The following ANKS1B variants were observed in gnomAD, a reference collection of about 807,000 sequenced individuals.
ANKS1B encodes ankyrin repeat and sterile alpha motif domain-containing protein 1B.
Under a neutral mutation model 148.3 loss-of-function variants are expected in ANKS1B, and 36 were observed. The observed-to-expected ratio is 0.24, with a 90% confidence interval of 0.19 to 0.32. The LOEUF (loss-of-function observed/expected upper bound fraction) is 0.32, where lower values mean the gene tolerates loss of function less well. Among genes scored for constraint, ANKS1B ranks in the 10% least tolerant of loss-of-function variants. The probability of loss-of-function intolerance (pLI) is 1.00; values close to 1 mark genes in which losing one functional copy is unlikely to be tolerated. For missense variants in ANKS1B, 1,157 were observed against 1,542.6 expected, an observed-to-expected ratio of 0.75 and a Z score of 4.19; for synonymous variants, 542 against 560.8, an observed-to-expected ratio of 0.97 and a Z score of 0.47.
At chr12:99,475,171 G>A (rs1293645551) in intron 10 of ANKS1B, among the ~76,000 whole-genome samples, 3 of 147,080 alleles carry the variant, frequency 2.0e-5, no homozygotes, top group Non-Finnish European at 4.5e-5. Context: ...TTGAACCCAG[G>A]AAACAGAGGT....
intron 14 of ANKS1B, chr12:99,154,969 C>T: frequency 1.3e-6 from 2 of 1,535,434 alleles, no homozygotes; most frequent in South Asian, 2.4e-5. Context: ...CTCCTACACA[C>T]CCATCCAAGC....
Position 99,238,909 on chromosome 12 carries a change from A to G in ANKS1B, c.2419+5433T>C, listed in dbSNP as rs145314515. On this transcript the variant is annotated intron_variant, in intron 14 of 26. Transcript: ENST00000683438. ...ACATCCACACCAAAACCCCATCTGTATAGGTCACCAACATCAAAGACCAAA... is the reference window on the plus strand; with the variant it reads ...ACATCCACACCAAAACCCCATCTGTGTAGGTCACCAACATCAAAGACCAAA... Among the ~76,000 whole-genome samples the G allele has an allele frequency of 4.2e-3, 643 of 152,336 alleles. 4 individuals carry two copies. Among genetic ancestry groups the G allele is most frequent in the African/African-American group, 0.014 (602 of 41,582 alleles).
intron 9 of ANKS1B, among the ~76,000 whole-genome samples, chr12:99,650,218 ATCCTACATTAGGAG>A (rs1294181249): frequency 9.7e-6 from 1 of 103,114 alleles, no homozygotes; most frequent in African/African-American, 3.2e-5. Flanking sequence ...CTCAGATATG[ATCCTACATTAGGAG>A]AATTATTCTA....
chr12:99,188,175 G>T (rs887229278), intron 14 of ANKS1B, among the ~76,000 whole-genome samples: 1 of 152,132 alleles, frequency 6.6e-6, no homozygotes, highest in African/African-American at 2.4e-5. Context: ...CTCAATAGAG[G>T]AGCACCCAGA....
At chr12:99,765,136 C>T (rs1423201753) in intron 8 of ANKS1B, among the ~76,000 whole-genome samples, 3 of 152,162 alleles carry the variant, frequency 2.0e-5, no homozygotes, top group Non-Finnish European at 4.4e-5. Flanking sequence ...ACATTCAGAT[C>T]CAAGATTTAC....
intron 8 of ANKS1B, among the ~76,000 whole-genome samples, chr12:99,737,806 C>G (rs1053857965): frequency 1.4e-4 from 21 of 151,884 alleles, no homozygotes; most frequent in African/African-American, 5.1e-4. Flanking sequence ...TTTTTCTTCT[C>G]TTTTAGTTCT....
At chr12:99,821,937 G>C (rs2082559488) in intron 2 of ANKS1B, among the ~76,000 whole-genome samples, 2 of 151,934 alleles carry the variant, frequency 1.3e-5, no homozygotes, top group Admixed American at 1.3e-4. Context: ...GAAAAAATTA[G>C]AAGATATGGC....
At chr12:99,000,538 G>A (rs2099932369) in intron 17 of ANKS1B, among the ~76,000 whole-genome samples, 1 of 151,988 alleles carries the variant, frequency 6.6e-6, no homozygotes, top group African/African-American at 2.4e-5. Context: ...CAAAGTGCTG[G>A]GATTACAGGC....
intron 14 of ANKS1B, among the ~76,000 whole-genome samples, chr12:99,220,065 T>C (rs753279067): frequency 6.6e-5 from 10 of 152,148 alleles, no homozygotes; most frequent in Non-Finnish European, 1.3e-4. Context: ...AGTGGCACGA[T>C]CTTGGCTCAC....
At chr12:98,740,302 C>T (rs75123326), downstream of ANKS1B, among the ~76,000 whole-genome samples, 134 of 152,258 alleles carry the variant, frequency 8.8e-4, no homozygotes, top group Middle Eastern at 3.4e-3. Context: ...TGAGAGCCAG[C>T]GCCCTCTACT....
Position 98,745,375 on chromosome 12 carries a change from CTTTTTTTTTT to C in ANKS1B, c.*354_*363del, listed in dbSNP as rs71305587. On this transcript the variant is annotated 3_prime_UTR_variant, in exon 27 of 27. Coordinates refer to ENST00000683438, the MANE Select transcript of ANKS1B (RefSeq NM_001352186.2). ...TAGGCAGTATTAGAGATCCCCTTTA[CTTTTTTTTTT>C]TTTTTTTTTTTTTTAAAGAAAAGGT... The C allele has an allele frequency of 5.0e-5, 46 of 913,718 alleles. No homozygotes were observed. Among genetic ancestry groups the C allele is most frequent in the East Asian group, 2.9e-4 (2 of 6,974 alleles). 56.6% of individuals were successfully genotyped at this position (913,718 alleles called of 1,614,324 possible).
rs559965760 is a variant in ANKS1B, at chr12:99,144,537, A to G, written c.2526+9752T>C. ...TGATCATTATGGACTGTGCTTGGCA[A>G]TGTGGGGGATAATAAACAAAGGCTA... On this transcript the variant is annotated intron_variant, in intron 15 of 26. Coordinates refer to ENST00000683438, the MANE Select transcript of ANKS1B (RefSeq NM_001352186.2). Among the ~76,000 whole-genome samples, 8 of 152,148 alleles carry G rather than the reference A, an allele frequency of 5.3e-5. 1 individual carries two copies. The South Asian group carries it at 1.7e-3, about 32-fold the overall frequency.
intron 12 of ANKS1B, among the ~76,000 whole-genome samples, chr12:99,260,762 C>T (rs1333902018): frequency 6.6e-6 from 1 of 152,032 alleles, no homozygotes; most frequent in Admixed American, 6.5e-5. Flanking sequence ...CTTAGAAAAT[C>T]GATCATTTAT....
chr12:99,358,227 T>G (rs1246526624), intron 12 of ANKS1B, among the ~76,000 whole-genome samples: 3 of 152,122 alleles, frequency 2.0e-5, no homozygotes, highest in African/African-American at 7.2e-5. Context: ...TATAATTAGT[T>G]GCATGATTTT....
intron 15 of ANKS1B, among the ~76,000 whole-genome samples, chr12:99,135,857 T>G (rs910172101): frequency 6.6e-6 from 1 of 152,108 alleles, no homozygotes; most frequent in Non-Finnish European, 1.5e-5. Flanking sequence ...AAATGATGAA[T>G]GTGTGGCAGT....
chr12:99,245,948 T>C (rs894952373), intron 13 of ANKS1B, among the ~76,000 whole-genome samples: 1 of 152,082 alleles, frequency 6.6e-6, no homozygotes, highest in Non-Finnish European at 1.5e-5. Context: ...CAGAGCAAAA[T>C]ACTGAGCTTT....
chr12:98,916,862 T>A (rs1461519223), intron 17 of ANKS1B, among the ~76,000 whole-genome samples: 2 of 152,092 alleles, frequency 1.3e-5, no homozygotes, highest in African/African-American at 4.8e-5. Context: ...ACATATCAGA[T>A]CCCCAATAAT....
chr12:99,829,829 C>CA (rs1008253072), intron 1 of ANKS1B, among the ~76,000 whole-genome samples: 6 of 150,770 alleles, frequency 4.0e-5, no homozygotes, highest in Admixed American at 6.6e-5. Flanking sequence ...GATTCGGTCT[C>CA]AAAAAACAAA....
intron 12 of ANKS1B, among the ~76,000 whole-genome samples, chr12:99,383,142 T>C (rs985195601): frequency 6.6e-6 from 1 of 152,194 alleles, no homozygotes; most frequent in African/African-American, 2.4e-5. Flanking sequence ...ACAGCACAGC[T>C]AGCGTGAACA....
Sources: gnomAD v4.1 joint callset for allele counts (sites outside exome capture counted in the v4.1 genomes callset) on GRCh38, gnomAD v4.1.1 for gene constraint, MANE v1.5 for transcripts, NCBI Gene and HGNC (gene_info 2026-07-23, HGNC 2026-07-21) for gene names.